The following PDE4D variants were observed in gnomAD, a reference collection of about 807,000 sequenced individuals.
The protein encoded by PDE4D is 3',5'-cyclic-AMP phosphodiesterase 4D.
A neutral mutation model predicts 87.4 loss-of-function variants in PDE4D; 24 were observed. That is an observed-to-expected ratio of 0.27 (90% CI 0.20 to 0.39). The LOEUF (loss-of-function observed/expected upper bound fraction) is 0.39, where lower values mean the gene tolerates loss of function less well. PDE4D is among the 10% of genes least tolerant of loss of function. The probability of loss-of-function intolerance (pLI) is 1.00; values close to 1 mark genes in which losing one functional copy is unlikely to be tolerated. For synonymous variants in PDE4D, 384 were observed against 383.2 expected, an observed-to-expected ratio of 1.00 and a Z score of -0.02; for missense variants, 714 against 1,041.0, an observed-to-expected ratio of 0.69 and a Z score of 4.32.
chr5:59,623,847 AT>A (rs1412476046), intron 1 of PDE4D, among the ~76,000 whole-genome samples: 1 of 152,224 alleles, frequency 6.6e-6, no homozygotes, highest in Non-Finnish European at 1.5e-5. Context: ...AATTCACAAC[AT>A]TACCTCACTT....
chr5:60,345,635 T>C (rs955743887), intron 1 of PDE4D, among the ~76,000 whole-genome samples: 1 of 151,942 alleles, frequency 6.6e-6, no homozygotes, highest in African/African-American at 2.4e-5. Flanking sequence ...CTTACTTATA[T>C]TTGTTAAATA....
rs182688546 is a variant in PDE4D, at chr5:59,015,019, G to A, written c.922-21554C>T. ...ACAAACCTGACAAAAACAAGAAATG[G>A]GGAAAGGATTCCCTATTTAATAAAT... On this transcript the variant is annotated intron_variant, in intron 6 of 14. Coordinates refer to ENST00000340635, the MANE Select transcript of PDE4D (RefSeq NM_001104631.2). Among the ~76,000 whole-genome samples, 233 of 152,198 alleles carry A rather than the reference G, an allele frequency of 1.5e-3. 1 individual carries two copies. Among genetic ancestry groups the A allele is most frequent in the African/African-American group, 5.4e-3 (223 of 41,556 alleles).
intron 2 of PDE4D, among the ~76,000 whole-genome samples, chr5:60,139,226 C>G (rs765977969): frequency 6.6e-6 from 1 of 152,062 alleles, no homozygotes; most frequent in Non-Finnish European, 1.5e-5. Context: ...TAGACTAATT[C>G]ATTCACAATA....
rs11398371 is a variant in PDE4D at position 59,656,186 on chromosome 5, CA to C, written c.455+236981del. 2.0e-5 allele frequency among the ~76,000 whole-genome samples: 3 copies of C among 151,932 alleles called. No individual in the cohort carries two copies. The South Asian group carries it at 6.3e-4, about 32-fold the overall frequency. ...AGACACCTCACACACACTTCAGTCA[CA>C]AAAAAACTCATGCACAGGACATTCA... On this transcript the variant is annotated intron_variant, in intron 1 of 14. Coordinates refer to ENST00000340635, the MANE Select transcript of PDE4D (RefSeq NM_001104631.2).
intron 5 of PDE4D, among the ~76,000 whole-genome samples, chr5:59,043,784 C>G (rs573444850): frequency 1.3e-5 from 2 of 151,998 alleles, no homozygotes; most frequent in African/African-American, 2.4e-5. Context: ...CAATTCCCAC[C>G]TATGAGTGAG....
chr5:60,341,927 C>T (rs1561140304), intron 1 of PDE4D, among the ~76,000 whole-genome samples: 3 of 152,224 alleles, frequency 2.0e-5, no homozygotes, highest in African/African-American at 7.2e-5. Flanking sequence ...AAGCAATCCA[C>T]TCACTTAAGT....
At chr5:59,127,600 T>TCCCCCCCCCCCCCCCCCCCCCCCC (rs1170462233) in intron 5 of PDE4D, among the ~76,000 whole-genome samples, 10 of 97,076 alleles carry the variant, frequency 1.0e-4, no homozygotes, top group Admixed American at 2.1e-4. Context: ...CTTCTTTCCC[T>TCCCCCCCCCCCCCCCCCCCCCCCC]CCCCACCCCC....
chr5:59,150,274 G>A (rs1245899493), intron 5 of PDE4D, among the ~76,000 whole-genome samples: 2 of 152,134 alleles, frequency 1.3e-5, no homozygotes, highest in Non-Finnish European at 2.9e-5. Context: ...TGGAAGAAAT[G>A]GCTTCTGGCA....
chr5:60,458,759 G>A lies in PDE4D; in HGVS notation c.-90+29183C>T, dbSNP rs956879419. ...ATGAGTGAGCACACGCACCACACCC[G>A]GACTCATGGATACTTATGCTGCAAT... On this transcript the variant is annotated intron_variant, in intron 1 of 16. Coordinates refer to the PDE4D transcript ENST00000502484. Among the ~76,000 whole-genome samples, 7 of 145,452 alleles carry A rather than the reference G, an allele frequency of 4.8e-5. 2 individuals carry two copies. Among genetic ancestry groups the A allele is most frequent in the Non-Finnish European group, 1.5e-5 (1 of 66,996 alleles).
chr5:60,475,478 G>A (rs1341094704), intron 1 of PDE4D, among the ~76,000 whole-genome samples: 3 of 152,074 alleles, frequency 2.0e-5, no homozygotes, highest in Non-Finnish European at 4.4e-5. Flanking sequence ...GCACTTAGGG[G>A]ACACAGGAAG....
chr5:60,185,600 G>A (rs1163740399), exon 2 of PDE4D: 15 of 1,527,902 alleles, frequency 9.8e-6, no homozygotes, highest in Admixed American at 2.0e-5. Context: ...TCTTTTCATC[G>A]TGGTGTTTTA....
chr5:59,104,394 C>A (rs1209939188), intron 5 of PDE4D, among the ~76,000 whole-genome samples: 1 of 152,206 alleles, frequency 6.6e-6, no homozygotes, highest in African/African-American at 2.4e-5. Flanking sequence ...TACTCCAAAG[C>A]CCTTACATGT....
chr5:60,438,265 A>G (rs886253342), intron 1 of PDE4D, among the ~76,000 whole-genome samples: 4 of 152,108 alleles, frequency 2.6e-5, no homozygotes, highest in African/African-American at 9.7e-5. Flanking sequence ...GAGTAAAACT[A>G]GAGCACACAG....
intron 6 of PDE4D, among the ~76,000 whole-genome samples, chr5:58,996,111 G>A (rs1045210888): frequency 1.1e-4 from 17 of 152,196 alleles, no homozygotes; most frequent in African/African-American, 4.1e-4. Context: ...ACACAGGGAG[G>A]GGAACATCAC....
chr5:60,272,390 G>T (rs1562277182), intron 1 of PDE4D, among the ~76,000 whole-genome samples: 1 of 152,150 alleles, frequency 6.6e-6, no homozygotes, highest in African/African-American at 2.4e-5. Context: ...AATTTCCCTA[G>T]GCAAATATGC....
intron 2 of PDE4D, among the ~76,000 whole-genome samples, chr5:60,032,603 A>T (rs1767359056): frequency 6.6e-6 from 1 of 152,180 alleles, no homozygotes; most frequent in Admixed American, 6.5e-5. Context: ...TACCTTTTCT[A>T]GGAAAGTTAT....
chr5:59,656,186 C>CA (rs11398371), intron 1 of PDE4D, among the ~76,000 whole-genome samples: 4,188 of 152,030 alleles, frequency 0.028, 171 homozygotes, highest in African/African-American at 0.086. Context: ...ACTTCAGTCA[C>CA]AAAAAAACTC....
intron 2 of PDE4D, among the ~76,000 whole-genome samples, chr5:60,004,371 T>C (rs901504154): frequency 1.3e-5 from 2 of 152,192 alleles, no homozygotes; most frequent in Non-Finnish European, 2.9e-5. Context: ...GCATAGTATT[T>C]GCATATAACC....
At chr5:59,023,132 GC>G (rs1386722174) in intron 6 of PDE4D, among the ~76,000 whole-genome samples, 6 of 150,370 alleles carry the variant, frequency 4.0e-5, no homozygotes, top group Non-Finnish European at 8.9e-5. Flanking sequence ...CCTAGATCAC[GC>G]CATTGCACTC....
Sources: allele counts gnomAD v4.1 joint callset (sites outside exome capture counted in the v4.1 genomes callset), GRCh38; gene constraint gnomAD v4.1.1; transcripts MANE v1.5; gene names NCBI Gene and HGNC (gene_info 2026-07-23, HGNC 2026-07-21).